The following LARS2 variants were observed in gnomAD, a reference collection of about 807,000 sequenced individuals.
LARS2 encodes the protein leucine--tRNA ligase, mitochondrial.
LARS2 carries 81 observed loss-of-function variants against 116.6 expected under a neutral mutation model. The ratio of observed to expected loss-of-function variants is 0.69; its 90% CI spans 0.58 to 0.84. The LOEUF is 0.84. Ranked by LOEUF, LARS2 falls within the 40% of genes least tolerant of loss-of-function variation. The probability of loss-of-function intolerance (pLI) is 0.00; values close to 1 mark genes in which losing one functional copy is unlikely to be tolerated. For synonymous variants in LARS2, 396 were observed against 407.2 expected, an observed-to-expected ratio of 0.97 and a Z score of 0.33; for missense variants, 968 against 1,114.5, an observed-to-expected ratio of 0.87 and a Z score of 1.87.
intron 6 of LARS2, among the ~76,000 whole-genome samples, chr3:45,424,205 C>G (rs1698557157): frequency 6.6e-6 from 1 of 152,122 alleles, no homozygotes; most frequent in African/African-American, 2.4e-5. Context: ...GAGGTTACAT[C>G]ACAATAAACG....
chr3:45,405,611 A>T (rs1698221710), intron 4 of LARS2, among the ~76,000 whole-genome samples: 1 of 152,222 alleles, frequency 6.6e-6, no homozygotes, highest in Non-Finnish European at 1.5e-5. Flanking sequence ...ATTACTTGAC[A>T]TTTAGATGAT....
intron 16 of LARS2, 21 bp from the exon 17 acceptor site, chr3:45,516,073 A>G (rs368791105): frequency 3.6e-5 from 58 of 1,605,532 alleles, no homozygotes; most frequent in Non-Finnish European, 4.6e-5. Context: ...TACCATACCT[A>G]TGGATTATTT....
chr3:45,399,095 G>A (rs1410758849), intron 3 of LARS2, among the ~76,000 whole-genome samples: 1 of 152,148 alleles, frequency 6.6e-6, no homozygotes, highest in Admixed American at 6.6e-5. Flanking sequence ...TTGGAAGCTG[G>A]AGAGTTATAT....
chr3:45,424,304 G>T (rs1698558857), intron 6 of LARS2, among the ~76,000 whole-genome samples: 1 of 152,096 alleles, frequency 6.6e-6, no homozygotes, highest in Non-Finnish European at 1.5e-5. Context: ...CCTTAAATAG[G>T]CTCAGAACAC....
At chr3:45,470,584 A>G (rs1699505298) in intron 8 of LARS2, among the ~76,000 whole-genome samples, 1 of 152,220 alleles carries the variant, frequency 6.6e-6, no homozygotes, top group Admixed American at 6.5e-5. Flanking sequence ...TTACTTCTAT[A>G]TAGGCCAAAT....
chr3:45,449,414 AG>A (rs1473501378), intron 7 of LARS2, among the ~76,000 whole-genome samples: 1 of 152,072 alleles, frequency 6.6e-6, no homozygotes, highest in East Asian at 1.9e-4. Flanking sequence ...TGCCCGCCTC[AG>A]CCTCCCAAAG....
intron 15 of LARS2, among the ~76,000 whole-genome samples, chr3:45,501,059 A>G (rs562238447): frequency 1.3e-5 from 2 of 151,230 alleles, no homozygotes; most frequent in African/African-American, 4.8e-5. Context: ...CCCTTTCCTC[A>G]TAATGTTCAG....
intron 9 of LARS2, among the ~76,000 whole-genome samples, chr3:45,474,818 T>C (rs1441630179): frequency 1.3e-5 from 2 of 152,108 alleles, no homozygotes; most frequent in African/African-American, 4.8e-5. Flanking sequence ...AATGGGTCCA[T>C]TACTCTCACT....
intron 7 of LARS2, among the ~76,000 whole-genome samples, chr3:45,449,692 A>G (rs1699093510): frequency 2.0e-5 from 3 of 152,188 alleles, no homozygotes; most frequent in Non-Finnish European, 4.4e-5. Flanking sequence ...TGGCCTTAAA[A>G]CAGAAAACAT....
chr3:45,540,972 G>A (rs1700786778), intron 20 of LARS2, among the ~76,000 whole-genome samples: 1 of 151,942 alleles, frequency 6.6e-6, no homozygotes, highest in Admixed American at 6.6e-5. Flanking sequence ...TTAAGAGATG[G>A]GGTCTCGCTG....
intron 10 of LARS2, 98 bp downstream of exon 10, chr3:45,476,725 C>G (rs962795056): frequency 6.5e-5 from 81 of 1,255,634 alleles, no homozygotes; most frequent in Non-Finnish European, 1.7e-5. Context: ...TGTCATCTTG[C>G]GTGGGTTGTT....
At chr3:45,493,347 C>G (rs924903366) in intron 13 of LARS2, among the ~76,000 whole-genome samples, 18 of 152,198 alleles carry the variant, frequency 1.2e-4, no homozygotes, top group African/African-American at 4.3e-4. Flanking sequence ...GTTCTGCCCG[C>G]CTAGGCCTCC....
intron 8 of LARS2, among the ~76,000 whole-genome samples, chr3:45,462,429 A>AAAG (rs1553632529): frequency 1.2e-4 from 17 of 145,010 alleles, no homozygotes; most frequent in African/African-American, 4.0e-4. Context: ...CAAAAAAAAA[A>AAAG]AAAGAAAGAA....
chr3:45,431,992 T>G (rs1367623430), intron 6 of LARS2, among the ~76,000 whole-genome samples: 3 of 152,174 alleles, frequency 2.0e-5, no homozygotes. Context: ...ATGCAAATAG[T>G]AATGAAAAGA....
chr3:45,541,859 C>G lies in LARS2; in HGVS notation c.2435C>G (p.Ala812Gly). 1 of 1,614,224 alleles carries G rather than the reference C, an allele frequency of 6.2e-7. No homozygotes were observed. Among genetic ancestry groups the G allele is most frequent in the Non-Finnish European group, 8.5e-7 (1 of 1,180,030 alleles). ...GLALVPRKLCAHYTWDASVLL... is the reference protein window; with the variant it reads ...GLALVPRKLCGHYTWDASVLL... ...GCGCTGGTGCCGAGGAAGCTCTGTG[C>G]CCACTACACTTGGGATGCCAGTGTG... is the stretch of plus-strand genomic sequence containing the variant. The change falls in exon 21 of 22, where the codon GCC (alanine) becomes GGC (glycine). Residue 812 changes from alanine to glycine, a missense_variant. By Grantham distance (60) the Ala-to-Gly change is moderately conservative (BLOSUM62 0). Coordinates refer to ENST00000645846, the MANE Select transcript of LARS2 (RefSeq NM_015340.4).
rs143155251 is a variant in LARS2, at chr3:45,516,179, C to A, written c.1947C>A (p.Asp649Glu). The A allele has an allele frequency of 7.1e-5, 114 of 1,614,136 alleles. No individual in the cohort carries two copies. In the Middle Eastern group the frequency reaches 1.2e-3, roughly 16 times the overall value. The change falls in exon 17 of 22, where the codon GAC becomes GAA. Residue 649 changes from aspartate (D) to glutamate (E), a missense_variant. Coordinates refer to ENST00000645846, the MANE Select transcript of LARS2 (RefSeq NM_015340.4). ...KMSKSKHNGV[D>E]PEEVVEQYGI... ...GTAAGTCCAAACACAACGGGGTGGA[C>A]CCAGAGGAAGTTGTGGAGCAGTATG...
At chr3:45,491,858 C>A in intron 13 of LARS2, 58 bp downstream of exon 13, 2 of 1,500,764 alleles carry the variant, frequency 1.3e-6, no homozygotes, top group Non-Finnish European at 1.8e-6. Flanking sequence ...CCTGCTAGGG[C>A]TTCAGACAGC....
chr3:45,427,707 G>T (rs994214961), intron 6 of LARS2, among the ~76,000 whole-genome samples: 3 of 152,064 alleles, frequency 2.0e-5, no homozygotes, highest in African/African-American at 7.2e-5. Flanking sequence ...AACATCTCCT[G>T]CACCCAGAGG....
At chr3:45,427,443 T>G (rs1311872709) in intron 6 of LARS2, among the ~76,000 whole-genome samples, 1 of 152,220 alleles carries the variant, frequency 6.6e-6, no homozygotes, top group Non-Finnish European at 1.5e-5. Context: ...GGAATGATCA[T>G]GCTTCCAAAC....
Sources: allele counts gnomAD v4.1 joint callset (sites outside exome capture counted in the v4.1 genomes callset), GRCh38; gene constraint gnomAD v4.1.1; transcripts MANE v1.5; gene names NCBI Gene and HGNC (gene_info 2026-07-23, HGNC 2026-07-21).